ZNF385D: variants seen among roughly 807,000 people sequenced by gnomAD.
ZNF385D encodes the protein zinc finger protein 385D.
A neutral mutation model predicts 35.8 loss-of-function variants in ZNF385D; 15 were observed. That is an observed-to-expected ratio of 0.42 (90% CI 0.28 to 0.64). The LOEUF is 0.64. Ranked by LOEUF, ZNF385D falls within the 30% of genes least tolerant of loss-of-function variation. The probability of loss-of-function intolerance (pLI) is 0.23; values close to 1 mark genes in which losing one functional copy is unlikely to be tolerated. For missense variants in ZNF385D, 474 were observed against 494.6 expected, an observed-to-expected ratio of 0.96 and a Z score of 0.39; for synonymous variants, 212 against 186.8, an observed-to-expected ratio of 1.13 and a Z score of -1.10.
intron 3 of ZNF385D, among the ~76,000 whole-genome samples, chr3:21,871,582 A>C (rs1697692457): frequency 6.6e-6 from 1 of 152,148 alleles, no homozygotes; most frequent in Non-Finnish European, 1.5e-5. Context: ...GATTATCATG[A>C]TTTAGTAATT....
At chr3:21,681,383 C>T (rs1253886693) in intron 1 of ZNF385D, among the ~76,000 whole-genome samples, 5 of 132,458 alleles carry the variant, frequency 3.8e-5, no homozygotes, top group Non-Finnish European at 1.6e-5. Flanking sequence ...TTATGTTATT[C>T]ATTATGTTTC....
chr3:21,966,145 C>A (rs1252284630), intron 3 of ZNF385D, among the ~76,000 whole-genome samples: 1 of 152,076 alleles, frequency 6.6e-6, no homozygotes, highest in East Asian at 1.9e-4. Context: ...GTTCTCCATA[C>A]TGAGTAGTGC....
chr3:22,329,068 C>T (rs1411370414), intron 2 of ZNF385D, among the ~76,000 whole-genome samples: 2 of 132,178 alleles, frequency 1.5e-5, no homozygotes, highest in African/African-American at 5.8e-5. Context: ...CAGAGCGAGA[C>T]TCCGTCTCAA....
chr3:22,114,018 T>C (rs1702678881), intron 3 of ZNF385D, among the ~76,000 whole-genome samples: 1 of 152,082 alleles, frequency 6.6e-6, no homozygotes, highest in Non-Finnish European at 1.5e-5. Flanking sequence ...ATTCTATAAA[T>C]GTTTTAAATA....
At chr3:22,101,275 T>C (rs185358451) in intron 3 of ZNF385D, among the ~76,000 whole-genome samples, 22 of 152,126 alleles carry the variant, frequency 1.4e-4, no homozygotes, top group Non-Finnish European at 7.4e-5. Flanking sequence ...AATAATGATA[T>C]ATAAAGGGCT....
At chr3:22,293,018 A>G (rs1702381300) in intron 2 of ZNF385D, among the ~76,000 whole-genome samples, 1 of 152,044 alleles carries the variant, frequency 6.6e-6, no homozygotes, top group Non-Finnish European at 1.5e-5. Context: ...ATTGATTTCA[A>G]CAGTTACCTC....
At chr3:22,153,214 C>T (rs1705364239) in intron 3 of ZNF385D, among the ~76,000 whole-genome samples, 1 of 152,098 alleles carries the variant, frequency 6.6e-6, no homozygotes, top group South Asian at 2.1e-4. Context: ...TGAGCAACCT[C>T]CTGTCTGCTG....
chr3:22,117,410 T>C (rs548563489), intron 3 of ZNF385D, among the ~76,000 whole-genome samples: 35 of 152,124 alleles, frequency 2.3e-4, no homozygotes, highest in African/African-American at 8.2e-4. Flanking sequence ...TTATGGGGAA[T>C]GGTTACACGA....
At chr3:21,895,965 C>A (rs751914896) in intron 3 of ZNF385D, among the ~76,000 whole-genome samples, 2 of 152,000 alleles carry the variant, frequency 1.3e-5, no homozygotes, top group Non-Finnish European at 2.9e-5. Flanking sequence ...AATGATGTCA[C>A]CAAAATTTTT....
chr3:21,963,606 G>GC (rs1382324489), intron 3 of ZNF385D, among the ~76,000 whole-genome samples: 1 of 152,112 alleles, frequency 6.6e-6, no homozygotes, highest in Admixed American at 6.6e-5. Flanking sequence ...ATACTTTCCT[G>GC]CCGCTGGTGG....
chr3:22,111,441 A>AT (rs1702532195), intron 3 of ZNF385D, among the ~76,000 whole-genome samples: 1 of 152,036 alleles, frequency 6.6e-6, no homozygotes, highest in Admixed American at 6.6e-5. Context: ...TACCACAGGG[A>AT]TTGGCAAACT....
chr3:21,431,631 G>A (rs1701297167), intron 5 of ZNF385D, among the ~76,000 whole-genome samples: 1 of 152,096 alleles, frequency 6.6e-6, no homozygotes, highest in Non-Finnish European at 1.5e-5. Context: ...TGCCCTGTAT[G>A]GCCATGTGGA....
At position 21,415,141 on chromosome 3, in the gene ZNF385D, A is replaced by G. The variant is rs1238177308; in HGVS notation, c.*6073T>C. On this transcript the variant is annotated 3_prime_UTR_variant, in exon 8 of 8. Transcript: ENST00000281523. ...ATTGTTTCTCAATAGATTTATGTTG[A>G]ACAATCCTATTAGTGAGAGACTTTA... The G allele has an allele frequency of 6.6e-6, 1 of 152,150 alleles. No homozygotes were observed. Among genetic ancestry groups the G allele is most frequent in the Admixed American group, 6.6e-5 (1 of 15,266 alleles). The allele number at this position is 152,150 out of a possible 1,614,324, so 9.4% of individuals were successfully genotyped here.
intron 3 of ZNF385D, among the ~76,000 whole-genome samples, chr3:22,000,355 G>T (rs964369300): frequency 6.6e-6 from 1 of 151,902 alleles, no homozygotes; most frequent in Non-Finnish European, 1.5e-5. Context: ...CCGTCAAAGT[G>T]ACCTCTGGTC....
chr3:22,192,403 A>T (rs1696120789), intron 2 of ZNF385D, among the ~76,000 whole-genome samples: 1 of 152,166 alleles, frequency 6.6e-6, no homozygotes, highest in Non-Finnish European at 1.5e-5. Context: ...GCTGTCATAT[A>T]GTCCCCTTCC....
intron 3 of ZNF385D, among the ~76,000 whole-genome samples, chr3:21,900,925 C>T (rs1308085210): frequency 1.3e-5 from 2 of 152,098 alleles, no homozygotes; most frequent in African/African-American, 2.4e-5. Context: ...ACTATAATCT[C>T]CACTTTATAG....
At chr3:22,350,545 A>C (rs939312556) in intron 2 of ZNF385D, among the ~76,000 whole-genome samples, 1 of 152,134 alleles carries the variant, frequency 6.6e-6, no homozygotes, top group African/African-American at 2.4e-5. Context: ...AAACCTTAGC[A>C]AATTCTTAAT....
chr3:21,578,654 T>C (rs923221877), intron 2 of ZNF385D, among the ~76,000 whole-genome samples: 2 of 152,148 alleles, frequency 1.3e-5, no homozygotes, highest in Non-Finnish European at 2.9e-5. Flanking sequence ...AATATGTGTG[T>C]TTATTTCTAA....
intron 3 of ZNF385D, among the ~76,000 whole-genome samples, chr3:21,772,878 TA>T (rs2071133983): frequency 6.6e-6 from 1 of 151,896 alleles, no homozygotes; most frequent in African/African-American, 2.4e-5. Flanking sequence ...CATTCAGCCT[TA>T]AAAATGAAGA....
Sources: gnomAD v4.1 joint callset for allele counts (sites outside exome capture counted in the v4.1 genomes callset) on GRCh38, gnomAD v4.1.1 for gene constraint, MANE v1.5 for transcripts, NCBI Gene and HGNC (gene_info 2026-07-23, HGNC 2026-07-21) for gene names.